SORBS3: variants seen among roughly 807,000 people sequenced by gnomAD.
SORBS3 encodes vinexin.
Under a neutral mutation model 98.0 loss-of-function variants are expected in SORBS3, and 69 were observed. The ratio of observed to expected loss-of-function variants is 0.70; its 90% CI spans 0.58 to 0.86. The LOEUF is 0.86. Ranked by LOEUF, SORBS3 falls within the 40% of genes least tolerant of loss-of-function variation. The pLI, the probability that SORBS3 is intolerant of heterozygous loss-of-function variation, is 0.00. For missense variants in SORBS3, 954 were observed against 908.5 expected (o/e 1.05, Z -0.64); for synonymous variants, 394 against 355.4 (o/e 1.11, Z -1.22).
intron 5 of SORBS3, among the ~76,000 whole-genome samples, chr8:22,559,089 C>T (rs912348013): frequency 1.3e-5 from 2 of 152,134 alleles, no homozygotes; most frequent in Non-Finnish European, 2.9e-5. Flanking sequence ...CATGCTCTGA[C>T]AAGTAATGGC....
chr8:22,566,548 C>A, intron 13 of SORBS3, 64 bp downstream of exon 13: 1 of 1,589,356 alleles, frequency 6.3e-7, no homozygotes, highest in Non-Finnish European at 8.6e-7. Flanking sequence ...GTTGGTGCCC[C>A]AGGGGTGGCA....
chr8:22,572,082 T>C (rs962061260), intron 19 of SORBS3, among the ~76,000 whole-genome samples: 1 of 152,098 alleles, frequency 6.6e-6, no homozygotes, highest in African/African-American at 2.4e-5. Context: ...GGTGCATGTA[T>C]AATTGAAGTG....
chr8:22,569,665 G>A (rs773485486), intron 17 of SORBS3, among the ~76,000 whole-genome samples: 8 of 152,210 alleles, frequency 5.3e-5, no homozygotes, highest in South Asian at 2.1e-4. Context: ...AAAAGAGTCC[G>A]ATGTACCTAG....
At chr8:22,552,163 A>T (rs1286137793) in intron 1 of SORBS3, 141 bp downstream of exon 1, 10 of 734,778 alleles carry the variant, frequency 1.4e-5, no homozygotes, top group Non-Finnish European at 1.7e-5. Flanking sequence ...CCCTCATACC[A>T]GAAAAAGCGA....
chr8:22,571,611 T>C (rs1840586376), intron 18 of SORBS3, 107 bp from the exon 19 acceptor site: 2 of 787,466 alleles, frequency 2.5e-6, no homozygotes, highest in Non-Finnish European at 4.4e-6. Flanking sequence ...TTGTAAGGCG[T>C]GCTGGCAGGT....
Position 22,567,186 on chromosome 8 carries a change from G to C in SORBS3, c.1305+11G>C. 6.4e-7 allele frequency: 1 copy of C among 1,561,230 alleles called. No individual in the cohort carries two copies. Among genetic ancestry groups the C allele is most frequent in the Non-Finnish European group, 8.8e-7 (1 of 1,133,690 alleles). Reference sequence around the variant, plus strand: ...GCTAATTATGTGGAGGTGAGCAGGAGAGACAAGAGCAAGTGGGGCTGGGCT... The same window carrying C: ...GCTAATTATGTGGAGGTGAGCAGGACAGACAAGAGCAAGTGGGGCTGGGCT... On this transcript the variant is annotated intron_variant, in intron 16 of 20. Coordinates refer to ENST00000240123, the MANE Select transcript of SORBS3 (RefSeq NM_005775.5).
chr8:22,570,905 C>T lies in SORBS3; in HGVS notation c.1432-5C>T. ...CCCCACAGACACTGACTTTTCCCCCCTCAGGGAGAGCACATCTGCCTGATC... is the reference window on the plus strand; with the variant it reads ...CCCCACAGACACTGACTTTTCCCCCTTCAGGGAGAGCACATCTGCCTGATC... On this transcript the variant is annotated splice_region_variant and splice_polypyrimidine_tract_variant and intron_variant, in intron 17 of 20. Coordinates refer to ENST00000240123, the MANE Select transcript of SORBS3 (RefSeq NM_005775.5). 7 of 1,586,692 alleles carry T rather than the reference C, an allele frequency of 4.4e-6. No homozygotes were observed. Among genetic ancestry groups the T allele is most frequent in the African/African-American group, 1.3e-5 (1 of 74,730 alleles).
At position 22,556,564 on chromosome 8, in the gene SORBS3, C is replaced by T. The variant is rs548988635; in HGVS notation, c.221-151C>T. ...TTAAATTCACTTAAACAAACAGAGG[C>T]CCGTGGTGCTCTGAGTCATCCACTC... On this transcript the variant is annotated intron_variant, in intron 3 of 20. Coordinates refer to ENST00000240123, the MANE Select transcript of SORBS3 (RefSeq NM_005775.5). The T allele has an allele frequency of 5.4e-5, 36 of 660,666 alleles. No homozygotes were observed. The East Asian group carries it at 7.1e-4, about 13-fold the overall frequency. 40.9% of individuals were successfully genotyped at this position (660,666 alleles called of 1,614,324 possible). A position where few individuals can be genotyped will look rare whatever the true frequency, so the allele number is the denominator to read the frequency against.
At position 22,571,011 on chromosome 8, in the gene SORBS3, G is replaced by T; in HGVS notation, c.1533G>T (p.Gln511His). The T allele has an allele frequency of 1.2e-6, 2 of 1,613,776 alleles. No homozygotes were observed. The highest frequency in any genetic ancestry group is 1.7e-6 in the Non-Finnish European group (2 of 1,179,950). Residue 511 changes from glutamine (Q) to histidine (H), a missense_variant, in exon 18 of 21, where the codon CAG becomes CAT. Transcript: ENST00000240123. ...GCATATTCCCTGCCAGCTACGTGCA[G>T]GTGTCTCGTGAACCCCGGCTCCGGC... is the stretch of plus-strand genomic sequence containing the variant. Reference protein sequence around the residue: ...RQGIFPASYVQVSREPRLRLC... With the variant: ...RQGIFPASYVHVSREPRLRLC...
chr8:22,553,352 C>A (rs1188249109), intron 1 of SORBS3, among the ~76,000 whole-genome samples: 1 of 152,250 alleles, frequency 6.6e-6, no homozygotes, highest in Non-Finnish European at 1.5e-5. Context: ...ACAGGCAAAC[C>A]TGATTCCATC....
intron 18 of SORBS3, 26 bp from the exon 19 acceptor site, chr8:22,571,692 A>G (rs370796168): frequency 7.7e-6 from 12 of 1,554,378 alleles, no homozygotes; most frequent in Non-Finnish European, 1.1e-5. Flanking sequence ...TCCCTCTGAC[A>G]TCCCTTTCTT....
rs764719744 is a variant in SORBS3 at position 22,572,366 on chromosome 8, C to T, written c.1874C>T (p.Pro625Leu). 5.0e-6 allele frequency: 8 copies of T among 1,613,872 alleles called. No homozygotes were observed. In the Admixed American group the frequency reaches 5.0e-5, roughly 10 times the overall value. The change falls in exon 20 of 21, where the codon CCC becomes CTC. Residue 625 changes from proline (P) to leucine (L), a missense_variant. Pro to Leu is a moderately conservative substitution (Grantham distance 98). Coordinates refer to ENST00000240123, the MANE Select transcript of SORBS3 (RefSeq NM_005775.5). ...TACCGGGCGATGTACCAGTACAGGC[C>T]CCAGAACGAAGACGAGCTGGAGCTG... ...TPYRAMYQYR[P>L]QNEDELELRE...
chr8:22,562,026 C>A (rs1036268563), intron 7 of SORBS3, 95 bp downstream of exon 7: 19 of 1,194,046 alleles, frequency 1.6e-5, no homozygotes, highest in African/African-American at 1.2e-4. Context: ...GCCGGCACAG[C>A]CTCGGAGCCC....
chr8:22,566,865 C>T lies in SORBS3; in HGVS notation c.1187C>T (p.Pro396Leu), dbSNP rs1353608643. 1.6e-5 allele frequency: 26 copies of T among 1,610,230 alleles called. No individual in the cohort carries two copies. Among genetic ancestry groups the T allele is most frequent in the Non-Finnish European group, 1.6e-5 (19 of 1,178,366 alleles). The change falls in exon 15 of 21, where the codon CCC (proline) becomes CTC (leucine). Residue 396 changes from proline to leucine, a missense_variant. Physicochemically the swap from Pro to Leu is moderately conservative, Grantham distance 98. Transcript: ENST00000240123. ...AAGTTTGACTTCCAGGCGCAGTCCC[C>T]CAAGTAAGCGCCCTCCTCCCCCTCC... ...RLKFDFQAQS[P>L]KELTLQKGDI...
chr8:22,573,508 A>G (rs988736979), intron 20 of SORBS3: 7 of 437,202 alleles, frequency 1.6e-5, no homozygotes, highest in African/African-American at 1.4e-4. Flanking sequence ...TTGCACAGGC[A>G]CATCTCAAGT....
At chr8:22,568,765 A>C (rs189452172) in intron 16 of SORBS3, among the ~76,000 whole-genome samples, 2 of 152,162 alleles carry the variant, frequency 1.3e-5, no homozygotes, top group African/African-American at 4.8e-5. Flanking sequence ...GCAGTGAGAA[A>C]AGGGTGAATG....
intron 1 of SORBS3, among the ~76,000 whole-genome samples, chr8:22,553,031 C>G (rs1840114833): frequency 6.6e-6 from 1 of 152,194 alleles, no homozygotes; most frequent in Admixed American, 6.5e-5. Context: ...GGAGCTGCCC[C>G]CAGCCTTGGC....
intron 6 of SORBS3, 114 bp downstream of exon 6, chr8:22,561,487 C>G (rs1840293886): frequency 8.6e-7 from 1 of 1,164,436 alleles, no homozygotes; most frequent in Admixed American, 1.9e-5. Flanking sequence ...TGGCTCAGTT[C>G]AACCTGAGAG....
In SORBS3 at chr8:22,554,304, G is replaced by T. The variant is rs1840142603; in HGVS notation, c.-55-148G>T. ...AGCCTGCAGGCGGGTGCCTGGCGTG[G>T]CCTGTTTCCTGGGTCCTTGAGCTAG... On this transcript the variant is annotated intron_variant, in intron 1 of 20. Transcript: ENST00000240123. The surrounding 1 kb of genome is among the most constrained non-coding windows in gnomAD (Gnocchi z 6.5). The T allele has an allele frequency of 1.3e-6, 1 of 772,382 alleles. No homozygotes were observed. Among genetic ancestry groups the T allele is most frequent in the Non-Finnish European group, 1.9e-6 (1 of 520,286 alleles). 47.8% of individuals were successfully genotyped at this position (772,382 alleles called of 1,614,324 possible).
Sources: allele counts gnomAD v4.1 joint callset (sites outside exome capture counted in the v4.1 genomes callset), GRCh38; gene constraint gnomAD v4.1.1; non-coding constraint Gnocchi (gnomAD v3.1); transcripts MANE v1.5; gene names NCBI Gene and HGNC (gene_info 2026-07-23, HGNC 2026-07-21).